Variants in TRIOBP observed in about 807,000 individuals in gnomAD.
TRIOBP encodes TRIO and F-actin-binding protein.
In TRIOBP, 169 loss-of-function variants were observed where a neutral mutation model predicts 238.8. The ratio of observed to expected loss-of-function variants is 0.71; its 90% CI spans 0.62 to 0.80. TRIOBP has a LOEUF of 0.80. Among genes scored for constraint, TRIOBP ranks in the 30% least tolerant of loss-of-function variants. TRIOBP has a pLI of 0.00. For synonymous variants in TRIOBP, 1,150 were observed against 1,274.4 expected (o/e 0.90, Z 2.08); for missense variants, 2,838 against 3,122.6 (o/e 0.91, Z 2.17).
intron 7 of TRIOBP, among the ~76,000 whole-genome samples, chr22:37,731,495 C>T (rs1188973086): frequency 6.6e-6 from 1 of 151,896 alleles, no homozygotes; most frequent in East Asian, 1.9e-4. Flanking sequence ...CTCACTATGT[C>T]ACCCAGGCTG....
chr22:37,726,636 G>A (rs2145836078), intron 7 of TRIOBP, 133 bp downstream of exon 7: 1 of 923,330 alleles, frequency 1.1e-6, no homozygotes, highest in East Asian at 3.1e-5. Flanking sequence ...GTGACCTTGG[G>A]CAAATCGCTC....
chr22:37,706,788 T>A (rs1922963418), intron 3 of TRIOBP, among the ~76,000 whole-genome samples: 1 of 140,012 alleles, frequency 7.1e-6, no homozygotes, highest in Non-Finnish European at 1.6e-5. Context: ...AAAAAAAAGA[T>A]CAGAGAGGGG....
chr22:37,717,287 C>A (rs1017088767), intron 6 of TRIOBP, among the ~76,000 whole-genome samples: 1 of 152,122 alleles, frequency 6.6e-6, no homozygotes, highest in Admixed American at 6.5e-5. Flanking sequence ...CTCATAAAGG[C>A]AGTGTGGACC....
At chr22:37,700,966 A>G (rs964947547) in intron 2 of TRIOBP, among the ~76,000 whole-genome samples, 1 of 152,214 alleles carries the variant, frequency 6.6e-6, no homozygotes, top group African/African-American at 2.4e-5. Flanking sequence ...TGCTGGGATT[A>G]CAGGCATCAG....
In TRIOBP at chr22:37,772,542, C is replaced by G. The variant is rs901384600; in HGVS notation, c.6937-59C>G. 1.9e-6 allele frequency: 3 copies of G among 1,611,914 alleles called. No homozygotes were observed. The African/African-American group carries it at 4.0e-5, about 22-fold the overall frequency. On this transcript the variant is annotated intron_variant, in intron 22 of 23. Coordinates refer to ENST00000644935, the MANE Select transcript of TRIOBP (RefSeq NM_001039141.3). The stretch of plus-strand genomic sequence containing the variant: ...TGGCTGCTGGTGCTGCCCATGTGCC[C>G]GGTTGGCAGGGCTGGAGGGAGAGAC...
intron 6 of TRIOBP, among the ~76,000 whole-genome samples, chr22:37,720,853 A>AT (rs1923785464): frequency 1.3e-5 from 2 of 151,100 alleles, no homozygotes; most frequent in South Asian, 4.2e-4. Context: ...GCCACCAGCA[A>AT]TTTTTTTTGT....
chr22:37,723,684 A>G lies in TRIOBP; in HGVS notation c.1128A>G (p.Glu376=). 6.2e-7 allele frequency: 1 copy of G among 1,613,078 alleles called. No homozygotes were observed. The highest frequency in any genetic ancestry group is 1.3e-5 in the African/African-American group (1 of 74,566). ...TSFPTCTPQR[E]NPRTPCVQQD... is the part of the protein sequence containing the mutation. ...TTCCTACTTGTACTCCCCAGCGGGA[A>G]AACCCCAGGACACCCTGTGTCCAGC... The change falls in exon 7 of 24, where the codon GAA becomes GAG. Residue 376 remains glutamate, a synonymous_variant. Transcript: ENST00000644935.
chr22:37,762,064 A>C (rs1601663214), intron 17 of TRIOBP, among the ~76,000 whole-genome samples: 1 of 151,840 alleles, frequency 6.6e-6, no homozygotes. Flanking sequence ...ATCTTCCTCC[A>C]TTTTATTTTA....
chr22:37,757,606 G>A lies in TRIOBP; in HGVS notation c.5688-7G>A, dbSNP rs1167250999. 6.4e-7 allele frequency: 1 copy of A among 1,574,304 alleles called. No individual in the cohort carries two copies. Among genetic ancestry groups the A allele is most frequent in the Non-Finnish European group, 8.6e-7 (1 of 1,163,684 alleles). Reference sequence around the variant, plus strand: ...ACCCACCTGACGTGGCTCTGCTGGTGCCCTAGGCTCTCGGACTCTAACAAG... The same window carrying A: ...ACCCACCTGACGTGGCTCTGCTGGTACCCTAGGCTCTCGGACTCTAACAAG... On this transcript the variant is annotated splice_polypyrimidine_tract_variant and splice_region_variant and intron_variant, in intron 15 of 23. Transcript: ENST00000644935.
intron 18 of TRIOBP, among the ~76,000 whole-genome samples, chr22:37,766,811 AT>A (rs927406895): frequency 2.0e-5 from 3 of 152,044 alleles, no homozygotes; most frequent in Non-Finnish European, 4.4e-5. Context: ...AAATACAAAA[AT>A]TAGCTGGGCG....
chr22:37,755,179 T>G lies in TRIOBP; in HGVS notation c.5566T>G (p.Phe1856Val). The change falls in exon 14 of 24, where the codon TTC (phenylalanine) becomes GTC (valine). Residue 1856 changes from phenylalanine to valine, a missense_variant. Coordinates refer to ENST00000644935, the MANE Select transcript of TRIOBP (RefSeq NM_001039141.3). ...GTACGCGGTGCAGCGCAACTATGGC[T>G]TCCAGATCCACGTGAGGCTGTGTGC... is the stretch of plus-strand genomic sequence containing the variant. ...TEYAVQRNYG[F>V]QIHTKDAVYT... The G allele has an allele frequency of 6.2e-7, 1 of 1,612,442 alleles. No individual in the cohort carries two copies.
At position 37,726,019 on chromosome 22, in the gene TRIOBP, C is replaced by A. The variant is rs1380100707; in HGVS notation, c.3463C>A (p.His1155Asn). 6.2e-7 allele frequency: 1 copy of A among 1,611,754 alleles called. No homozygotes were observed. Among genetic ancestry groups the A allele is most frequent in the Non-Finnish European group, 8.5e-7 (1 of 1,179,154 alleles). Reference sequence around the variant, plus strand: ...CCTTGTCCCTTCCATGGACTCTCTGCACGAGTGCCCCCACATCCCCACCCC... The same window carrying A: ...CCTTGTCCCTTCCATGGACTCTCTGAACGAGTGCCCCCACATCCCCACCCC... ...ESLVPSMDSL[H>N]ECPHIPTPVC... Residue 1155 changes from histidine (H) to asparagine (N), a missense_variant, in exon 7 of 24, where the codon CAC (histidine) becomes AAC (asparagine). By Grantham distance (68) the His-to-Asn change is moderately conservative. Coordinates refer to ENST00000644935, the MANE Select transcript of TRIOBP (RefSeq NM_001039141.3).
Position 37,725,005 on chromosome 22 carries a change from A to G in TRIOBP, c.2449A>G (p.Thr817Ala), listed in dbSNP as rs752301890. The G allele has an allele frequency of 6.2e-7, 1 of 1,614,050 alleles. No individual in the cohort carries two copies. The highest frequency in any genetic ancestry group is 1.7e-5 in the Admixed American group (1 of 60,014). Residue 817 changes from threonine (T) to alanine (A), a missense_variant, in exon 7 of 24, where the codon ACT (threonine) becomes GCT (alanine). By Grantham distance (58) the Thr-to-Ala change is moderately conservative. Around this residue, in one of 5 missense-constraint regions of TRIOBP, gnomAD observed 2,096 missense variants for 2,137.4 expected, o/e 0.98. Coordinates refer to ENST00000644935, the MANE Select transcript of TRIOBP (RefSeq NM_001039141.3). The part of the protein sequence containing the change: ...IRATQQDNPR[T>A]CIQQNIPRSS... The stretch of plus-strand genomic sequence containing the variant: ...AGCCACCCAACAGGACAACCCCAGA[A>G]CTTGTATTCAACAGAACATCCCCAG...
chr22:37,727,031 C>T (rs113058393), intron 7 of TRIOBP, among the ~76,000 whole-genome samples: 20 of 151,902 alleles, frequency 1.3e-4, no homozygotes, highest in African/African-American at 4.6e-4. Flanking sequence ...CTCAGCCTCC[C>T]GAGTAGCTGG....
rs1272806964 is a variant in TRIOBP at position 37,738,733 on chromosome 22, G to A, written c.5184+14G>A. On this transcript the variant is annotated intron_variant, in intron 10 of 23. Coordinates refer to ENST00000644935, the MANE Select transcript of TRIOBP (RefSeq NM_001039141.3). ...CAGGCAGACTCGGTAGCTGGGTCAT[G>A]GGTGTGGGTACATACGGTGGGGAAG... 1 of 1,613,642 alleles carries A rather than the reference G, an allele frequency of 6.2e-7. No individual in the cohort carries two copies. The highest frequency in any genetic ancestry group is 2.2e-5 in the East Asian group (1 of 44,872).
At position 37,740,992 on chromosome 22, in the gene TRIOBP, A is replaced by G. The variant is rs1569049119; in HGVS notation, c.5282A>G (p.Asn1761Ser). 1.3e-6 allele frequency: 2 copies of G among 1,560,790 alleles called. No individual in the cohort carries two copies. Among genetic ancestry groups the G allele is most frequent in the Non-Finnish European group, 1.7e-6 (2 of 1,151,942 alleles). ...RMPGDRPTLF[N>S]PFLLSLGVLR... The stretch of plus-strand genomic sequence containing the variant: ...CCCGGGGACCGGCCCACGCTGTTCA[A>G]TCCGTTCCTGCTGTCTCTGGGGGTC... Residue 1761 changes from asparagine to serine, a missense_variant, in exon 11 of 24, where the codon AAT becomes AGT. By Grantham distance (46) the Asn-to-Ser change is conservative (BLOSUM62 1). Coordinates refer to ENST00000644935, the MANE Select transcript of TRIOBP (RefSeq NM_001039141.3).
At chr22:37,736,122 A>G (rs1924656614) in intron 9 of TRIOBP, among the ~76,000 whole-genome samples, 1 of 152,194 alleles carries the variant, frequency 6.6e-6, no homozygotes, top group South Asian at 2.1e-4. Context: ...CCGGGCACAC[A>G]GTAGGTGCTC....
chr22:37,746,633 C>T (rs1925292366), intron 11 of TRIOBP, among the ~76,000 whole-genome samples: 1 of 152,258 alleles, frequency 6.6e-6, no homozygotes. Context: ...CTCGCCCACT[C>T]GCCCCCGGGA....
In TRIOBP at chr22:37,774,088, A is replaced by G. The variant is rs556906642; in HGVS notation, c.*308A>G. 3.4e-5 allele frequency: 5 copies of G among 146,862 alleles called. No individual in the cohort carries two copies. The East Asian group carries it at 1.0e-3, about 29-fold the overall frequency. 9.1% of individuals were successfully genotyped at this position (146,862 alleles called of 1,614,324 possible). ...TATATGTGAAGAGATTTTTATATAG[A>G]TTTTTTTCCTTTTTTTCCAAAACAC... On this transcript the variant is annotated 3_prime_UTR_variant, in exon 24 of 24. Coordinates refer to ENST00000644935, the MANE Select transcript of TRIOBP (RefSeq NM_001039141.3).
Sources: allele counts gnomAD v4.1 joint callset (sites outside exome capture counted in the v4.1 genomes callset), GRCh38; gene constraint gnomAD v4.1.1; regional missense constraint gnomAD v4.1.1; transcripts MANE v1.5; gene names NCBI Gene and HGNC (gene_info 2026-07-23, HGNC 2026-07-21).